RIMS2: variants seen among roughly 807,000 people sequenced by gnomAD.
The protein encoded by RIMS2 is regulating synaptic membrane exocytosis protein 2.
A neutral mutation model predicts 174.4 loss-of-function variants in RIMS2; 59 were observed. The ratio of observed to expected loss-of-function variants is 0.34; its 90% confidence interval spans 0.27 to 0.42. The LOEUF is 0.42. Ranked by LOEUF, RIMS2 falls within the 10% of genes least tolerant of loss-of-function variation. The probability of loss-of-function intolerance (pLI) is 1.00; values close to 1 mark genes in which losing one functional copy is unlikely to be tolerated. For missense variants in RIMS2, 1,620 were observed against 1,666.3 expected (o/e 0.97, Z 0.48); for synonymous variants, 606 against 572.5 (o/e 1.06, Z -0.84).
chr8:103,500,610 A>G (rs957129750), upstream of RIMS2: 6 of 328,182 alleles, frequency 1.8e-5, no homozygotes, highest in Admixed American at 2.5e-4. Context: ...CCCGGCCTCC[A>G]GTTCCCCTTT....
At chr8:104,077,062 C>T (rs1021774167) in intron 19 of RIMS2, among the ~76,000 whole-genome samples, 5 of 152,026 alleles carry the variant, frequency 3.3e-5, no homozygotes, top group East Asian at 3.9e-4. Flanking sequence ...TCAAGTGATC[C>T]GCCCACCTTG....
chr8:103,874,203 A>G (rs1594304187), intron 3 of RIMS2, among the ~76,000 whole-genome samples: 1 of 152,200 alleles, frequency 6.6e-6, no homozygotes, highest in Middle Eastern at 3.4e-3. Context: ...TCATGAAACA[A>G]TAAATCTATG....
intron 3 of RIMS2, among the ~76,000 whole-genome samples, chr8:103,803,798 C>G (rs1015048724): frequency 1.3e-5 from 2 of 152,148 alleles, no homozygotes; most frequent in Non-Finnish European, 2.9e-5. Flanking sequence ...TGTGTGGGGT[C>G]TCTAGAAGCT....
chr8:103,819,135 ACTC>A, intron 3 of RIMS2: 1 of 890,106 alleles, frequency 1.1e-6, no homozygotes, highest in Non-Finnish European at 1.4e-6. Flanking sequence ...ATGTGCTAAA[ACTC>A]CTGACGACAG....
At chr8:104,112,359 T>C (rs1363097470) in intron 19 of RIMS2, among the ~76,000 whole-genome samples, 1 of 152,118 alleles carries the variant, frequency 6.6e-6, no homozygotes, top group African/African-American at 2.4e-5. Context: ...TAAAAACTGA[T>C]TTTATAGCTC....
chr8:104,076,416 T>G (rs1290632142), intron 19 of RIMS2, among the ~76,000 whole-genome samples: 1 of 152,130 alleles, frequency 6.6e-6, no homozygotes, highest in South Asian at 2.1e-4. Flanking sequence ...TCTGTATGTG[T>G]TTGTATAATT....
Position 103,871,809 on chromosome 8 carries a change from T to C in RIMS2, c.699-13489T>C, listed in dbSNP as rs544713093. Among the ~76,000 whole-genome samples, 16 of 152,294 alleles carry C rather than the reference T, an allele frequency of 1.1e-4. No individual in the cohort carries two copies. The South Asian group carries it at 3.3e-3, about 32-fold the overall frequency. ...TGTTTTTTTTTTACATTTAGTTCTT[T>C]TGGGAAGTAAAATTAACTCTGTAGT... On this transcript the variant is annotated intron_variant, in intron 3 of 23. Transcript: ENST00000504942.
chr8:103,747,491 G>C (rs2097837303), intron 2 of RIMS2, among the ~76,000 whole-genome samples: 1 of 151,996 alleles, frequency 6.6e-6, no homozygotes, highest in Non-Finnish European at 1.5e-5. Flanking sequence ...GGCTTACTTT[G>C]ATAGTTTTGT....
At chr8:104,104,954 ATAT>A (rs1351752152) in intron 19 of RIMS2, among the ~76,000 whole-genome samples, 2 of 152,316 alleles carry the variant, frequency 1.3e-5, no homozygotes, top group South Asian at 4.1e-4. Flanking sequence ...ATTAGTTGAA[ATAT>A]TATATGACAC....
chr8:103,881,362 T>G (rs2099166622), intron 3 of RIMS2, among the ~76,000 whole-genome samples: 1 of 151,554 alleles, frequency 6.6e-6, no homozygotes, highest in Non-Finnish European at 1.5e-5. Context: ...TTTATCAATA[T>G]GGTCAGAATT....
At chr8:103,662,203 T>C (rs1314897401) in intron 1 of RIMS2, among the ~76,000 whole-genome samples, 1 of 152,218 alleles carries the variant, frequency 6.6e-6, no homozygotes, top group Non-Finnish European at 1.5e-5. Flanking sequence ...GGGTCCCAGG[T>C]TAGACAAGCT....
intron 19 of RIMS2, among the ~76,000 whole-genome samples, chr8:104,019,059 A>G (rs576931597): frequency 1.3e-5 from 2 of 152,062 alleles, no homozygotes; most frequent in South Asian, 2.1e-4. Context: ...TTAGCTGGGC[A>G]TGGTGGTGCG....
intron 3 of RIMS2, among the ~76,000 whole-genome samples, chr8:103,792,447 T>C (rs964869522): frequency 1.3e-5 from 2 of 152,044 alleles, no homozygotes; most frequent in South Asian, 4.1e-4. Flanking sequence ...TTTATAGCAC[T>C]AAATGCCCAC....
intron 1 of RIMS2, among the ~76,000 whole-genome samples, chr8:103,602,550 A>G (rs928710356): frequency 6.6e-6 from 1 of 152,186 alleles, no homozygotes; most frequent in Non-Finnish European, 1.5e-5. Flanking sequence ...AAGTGAGAAC[A>G]TGCAGTATTT....
At chr8:103,555,117 A>C (rs1412810506) in intron 1 of RIMS2, among the ~76,000 whole-genome samples, 1 of 152,170 alleles carries the variant, frequency 6.6e-6, no homozygotes. Flanking sequence ...TTATCTGTAC[A>C]CAAAAGCCCC....
intron 15 of RIMS2, among the ~76,000 whole-genome samples, chr8:103,961,587 TGTA>T (rs2090111548): frequency 6.6e-6 from 1 of 152,148 alleles, no homozygotes; most frequent in Non-Finnish European, 1.5e-5. Context: ...ATTATAGTAT[TGTA>T]GTTTAAAATA....
At chr8:103,840,784 G>A (rs1018337848) in intron 3 of RIMS2, among the ~76,000 whole-genome samples, 18 of 152,040 alleles carry the variant, frequency 1.2e-4, no homozygotes, top group African/African-American at 1.9e-4. Context: ...GGAATGAAAC[G>A]GTTCAAGAGC....
chr8:103,822,569 C>G (rs1219332567), intron 3 of RIMS2, among the ~76,000 whole-genome samples: 1 of 151,610 alleles, frequency 6.6e-6, no homozygotes, highest in Non-Finnish European at 1.5e-5. Flanking sequence ...TAGCACAAAC[C>G]TTATTTTCAT....
chr8:104,028,619 A>C (rs1219856743), intron 19 of RIMS2, among the ~76,000 whole-genome samples: 1 of 152,186 alleles, frequency 6.6e-6, no homozygotes, highest in Non-Finnish European at 1.5e-5. Flanking sequence ...TCAGTGCCTC[A>C]ATTTCACCAT....
Sources: allele counts gnomAD v4.1 joint callset (sites outside exome capture counted in the v4.1 genomes callset), GRCh38; gene constraint gnomAD v4.1.1; transcripts MANE v1.5; gene names NCBI Gene and HGNC (gene_info 2026-07-23, HGNC 2026-07-21).